PCYT1A: variants seen among roughly 807,000 people sequenced by gnomAD.
PCYT1A encodes phosphate cytidylyltransferase 1A, choline, also known as choline-phosphate cytidylyltransferase A.
A neutral mutation model predicts 43.7 loss-of-function variants in PCYT1A; 25 were observed. The observed-to-expected ratio is 0.57, with a 90% CI of 0.42 to 0.80. PCYT1A has a LOEUF of 0.80. PCYT1A is among the 30% of genes least tolerant of loss of function. PCYT1A has a pLI of 0.00. For missense variants in PCYT1A, 421 were observed against 474.2 expected (o/e 0.89, Z 1.04); for synonymous variants, 172 against 170.7 (o/e 1.01, Z -0.06).
At chr3:196,259,534 T>G (rs1725045506) in intron 2 of PCYT1A, among the ~76,000 whole-genome samples, 1 of 152,152 alleles carries the variant, frequency 6.6e-6, no homozygotes, top group Non-Finnish European at 1.5e-5. Flanking sequence ...ACGTTTTTTT[T>G]GTTTGTTTGT....
At chr3:196,241,488 G>T (rs1011407584) in intron 7 of PCYT1A, 72 of 1,285,570 alleles carry the variant, frequency 5.6e-5, no homozygotes, top group Non-Finnish European at 6.4e-5. Flanking sequence ...AAAATATATA[G>T]AGTTTCTAAA....
In PCYT1A at chr3:196,246,815, G is replaced by A. The variant is rs752665674; in HGVS notation, c.486+552C>T. 3.3e-5 allele frequency among the ~76,000 whole-genome samples: 5 copies of A among 152,258 alleles called. 1 individual carries two copies. The highest frequency in any genetic ancestry group is 1.2e-4 in the African/African-American group (5 of 41,542). On this transcript the variant is annotated intron_variant, in intron 5 of 8. Coordinates refer to ENST00000431016, the MANE Select transcript of PCYT1A (RefSeq NM_001312673.2). ...GCCTATGGTGTGGGGGGAAGGTCTC[G>A]TAACTGGTGAGTTCAGTTCCCAGCC...
chr3:196,255,834 G>A (rs1477372454), intron 3 of PCYT1A, among the ~76,000 whole-genome samples: 1 of 152,228 alleles, frequency 6.6e-6, no homozygotes, highest in Non-Finnish European at 1.5e-5. Context: ...ATAGCTGATT[G>A]TAAATGTGTG....
chr3:196,243,470 C>T (rs972794748), intron 5 of PCYT1A, among the ~76,000 whole-genome samples: 33 of 152,092 alleles, frequency 2.2e-4, no homozygotes, highest in Non-Finnish European at 4.3e-4. Context: ...AAATACAAAC[C>T]GAAGGCCATA....
At chr3:196,261,041 G>A (rs1560171124) in intron 2 of PCYT1A, among the ~76,000 whole-genome samples, 1 of 152,144 alleles carries the variant, frequency 6.6e-6, no homozygotes, top group Non-Finnish European at 1.5e-5. Context: ...CCACTTGGAT[G>A]GATCTTGAAA....
intron 3 of PCYT1A, among the ~76,000 whole-genome samples, chr3:196,250,264 C>CCAGATACACCATGCCGAGGCTGAGGAT (rs1165287659): frequency 5.8e-4 from 70 of 121,148 alleles, no homozygotes; most frequent in South Asian, 1.5e-3. Context: ...AGGCTGAGGA[C>CCAGATACACCATGCCGAGGCTGAGGAT]CAGATACACC....
At chr3:196,257,725 G>C (rs1724990229) in intron 3 of PCYT1A, 63 bp downstream of exon 3, 1 of 1,058,626 alleles carries the variant, frequency 9.4e-7, no homozygotes, top group African/African-American at 1.6e-5. Context: ...GTGTGTATTT[G>C]ATAAAGACAA....
chr3:196,274,460 T>A (rs577702080), intron 1 of PCYT1A, among the ~76,000 whole-genome samples: 30 of 152,364 alleles, frequency 2.0e-4, no homozygotes, highest in African/African-American at 6.7e-4. Flanking sequence ...AGTTGCGTTT[T>A]TCTTAAGTAA....
At chr3:196,246,706 A>C (rs1460162037) in intron 5 of PCYT1A, among the ~76,000 whole-genome samples, 2 of 152,184 alleles carry the variant, frequency 1.3e-5, no homozygotes, top group Admixed American at 1.3e-4. Flanking sequence ...AATCCGTCTT[A>C]TTTCCTGGTA....
At chr3:196,265,738 C>G (rs1179122967) in intron 2 of PCYT1A, among the ~76,000 whole-genome samples, 1 of 151,854 alleles carries the variant, frequency 6.6e-6, no homozygotes, top group Non-Finnish European at 1.5e-5. Context: ...GTCCCCCTAC[C>G]CTTTTTTTTT....
At chr3:196,270,866 G>A (rs752385938) in intron 1 of PCYT1A, among the ~76,000 whole-genome samples, 1 of 152,170 alleles carries the variant, frequency 6.6e-6, no homozygotes, top group Non-Finnish European at 1.5e-5. Context: ...GAATAATTTG[G>A]CTGAGAAAGA....
chr3:196,272,597 G>A (rs1250135980), intron 1 of PCYT1A, among the ~76,000 whole-genome samples: 1 of 152,108 alleles, frequency 6.6e-6, no homozygotes, highest in Admixed American at 6.5e-5. Flanking sequence ...GGAATTACAG[G>A]TGTGAACCAC....
chr3:196,269,037 G>A (rs1045629599), intron 2 of PCYT1A, among the ~76,000 whole-genome samples: 1 of 152,222 alleles, frequency 6.6e-6, no homozygotes, highest in Non-Finnish European at 1.5e-5. Flanking sequence ...CCCTCTAGAA[G>A]CTGGAAAAGG....
intron 7 of PCYT1A, chr3:196,240,041 T>C (rs1209895710): frequency 3.0e-6 from 1 of 329,494 alleles, no homozygotes; most frequent in African/African-American, 2.1e-5. Flanking sequence ...ACTTGGAACA[T>C]AAACATGCGC....
In PCYT1A at chr3:196,238,706, A is replaced by G; in HGVS notation, c.1086T>C (p.Ser362=). ...GGAAACATTAGTCTTCTTCATCCTC[A>G]CTGATATCATAGGCTGCAGCCTTGT... The part of the protein sequence containing the change: ...SRHKAAAYDI[S]EDEED The change falls in exon 9 of 9, where the codon AGT becomes AGC. Residue 362 remains serine, a synonymous_variant. Transcript: ENST00000431016. 1 of 1,565,088 alleles carries G rather than the reference A, an allele frequency of 6.4e-7. No homozygotes were observed. Among genetic ancestry groups the G allele is most frequent in the South Asian group, 1.2e-5 (1 of 84,728 alleles).
intron 2 of PCYT1A, among the ~76,000 whole-genome samples, chr3:196,261,401 G>A (rs1190164761): frequency 6.6e-6 from 1 of 152,210 alleles, no homozygotes. Context: ...GCTCACACCT[G>A]TAATCCCAGC....
At chr3:196,263,849 G>A (rs1357644683) in intron 2 of PCYT1A, among the ~76,000 whole-genome samples, 1 of 152,088 alleles carries the variant, frequency 6.6e-6, no homozygotes, top group Non-Finnish European at 1.5e-5. Flanking sequence ...GGCCAGGATG[G>A]TCTCGATCAC....
Position 196,277,315 on chromosome 3 carries a change from T to G in PCYT1A, c.-10-6774A>C, listed in dbSNP as rs1371465083. On this transcript the variant is annotated intron_variant, in intron 1 of 8. Coordinates refer to ENST00000431016, the MANE Select transcript of PCYT1A (RefSeq NM_001312673.2). The surrounding 1 kb of genome is among the most constrained non-coding windows in gnomAD (Gnocchi z 4.1). ...CTTATCTGCTTACATACAGTTCTTC[T>G]ATTTTCTAAAGATGACTTTTGGGTT... Among the ~76,000 whole-genome samples, 1 of 152,218 alleles carries G rather than the reference T, an allele frequency of 6.6e-6. No individual in the cohort carries two copies. Among genetic ancestry groups the G allele is most frequent in the Admixed American group, 6.5e-5 (1 of 15,272 alleles).
At chr3:196,260,769 G>C (rs950625206) in intron 2 of PCYT1A, among the ~76,000 whole-genome samples, 1 of 152,214 alleles carries the variant, frequency 6.6e-6, no homozygotes, top group Non-Finnish European at 1.5e-5. Context: ...TTGAACCCAG[G>C]AGGTGGAGGT....
Sources: allele counts gnomAD v4.1 joint callset (sites outside exome capture counted in the v4.1 genomes callset), GRCh38; gene constraint gnomAD v4.1.1; non-coding constraint Gnocchi (gnomAD v3.1); transcripts MANE v1.5; gene names NCBI Gene and HGNC (gene_info 2026-07-23, HGNC 2026-07-21).